The following LUZP2 variants were observed in gnomAD, a reference collection of about 807,000 sequenced individuals.
The protein encoded by LUZP2 is leucine zipper protein 2.
LUZP2 carries 52 observed loss-of-function variants against 51.6 expected under a neutral mutation model. That is an observed-to-expected ratio of 1.01 (90% CI 0.81 to 1.27). The LOEUF (loss-of-function observed/expected upper bound fraction) is 1.27, where lower values mean the gene tolerates loss of function less well. Ranked by LOEUF, LUZP2 falls within the 50% of genes most tolerant of loss-of-function variation. LUZP2 has a pLI of 0.00. For synonymous variants in LUZP2, 154 were observed against 137.3 expected (o/e 1.12, Z -0.85); for missense variants, 436 against 395.4 (o/e 1.10, Z -0.87).
intron 5 of LUZP2, among the ~76,000 whole-genome samples, chr11:24,812,268 T>C (rs371169253): frequency 6.6e-5 from 10 of 152,188 alleles, no homozygotes; most frequent in Non-Finnish European, 2.9e-5. Flanking sequence ...ATGTTCAATA[T>C]CACCTTGAGA....
At chr11:24,563,403 T>C (rs1417777349) in intron 1 of LUZP2, among the ~76,000 whole-genome samples, 1 of 152,184 alleles carries the variant, frequency 6.6e-6, no homozygotes, top group Non-Finnish European at 1.5e-5. Context: ...TTTGCAAGGG[T>C]TTTTAAATTG....
chr11:24,846,905 A>G (rs1851218062), intron 5 of LUZP2, among the ~76,000 whole-genome samples: 1 of 151,864 alleles, frequency 6.6e-6, no homozygotes. Flanking sequence ...ATGCATATAT[A>G]CATGTATATA....
chr11:24,930,412 A>T (rs746968427), intron 7 of LUZP2, among the ~76,000 whole-genome samples: 3 of 152,152 alleles, frequency 2.0e-5, no homozygotes, highest in Non-Finnish European at 4.4e-5. Flanking sequence ...CAATTCTCAT[A>T]GCGCTGGCTT....
At chr11:24,916,097 T>G (rs1467015777) in intron 7 of LUZP2, among the ~76,000 whole-genome samples, 1 of 152,064 alleles carries the variant, frequency 6.6e-6, no homozygotes, top group Non-Finnish European at 1.5e-5. Context: ...ATGCTGGCAC[T>G]TGCAAGGCAT....
At chr11:24,642,754 T>G (rs1855333793) in intron 1 of LUZP2, among the ~76,000 whole-genome samples, 1 of 149,494 alleles carries the variant, frequency 6.7e-6, no homozygotes. Flanking sequence ...CAACTCTGCA[T>G]GTAAGAGAAA....
At chr11:24,679,924 T>G (rs1193600710) in intron 1 of LUZP2, among the ~76,000 whole-genome samples, 1 of 152,182 alleles carries the variant, frequency 6.6e-6, no homozygotes, top group African/African-American at 2.4e-5. Flanking sequence ...ATGAATGGAT[T>G]GCTGCTCACT....
At chr11:24,892,813 G>A (rs1259614052) in intron 5 of LUZP2, 1 of 152,124 alleles carries the variant, frequency 6.6e-6, no homozygotes, top group Non-Finnish European at 1.5e-5. Flanking sequence ...AAGAATAATA[G>A]TTTTTAAACT....
intron 5 of LUZP2, among the ~76,000 whole-genome samples, chr11:24,820,379 TG>T (rs1416125263): frequency 6.6e-6 from 1 of 152,058 alleles, no homozygotes; most frequent in African/African-American, 2.4e-5. Context: ...ATGTGTATGG[TG>T]GGGAAAGACA....
At chr11:24,621,958 C>CT (rs1338596625) in intron 1 of LUZP2, among the ~76,000 whole-genome samples, 4 of 141,740 alleles carry the variant, frequency 2.8e-5, no homozygotes, top group Non-Finnish European at 4.6e-5. Context: ...CCACATACAT[C>CT]TTTAAAAAAA....
At chr11:25,070,854 A>G (rs964012152) in intron 10 of LUZP2, among the ~76,000 whole-genome samples, 3 of 151,166 alleles carry the variant, frequency 2.0e-5, no homozygotes, top group African/African-American at 4.9e-5. Context: ...TGACAAAATA[A>G]GAAAAAACTT....
At chr11:25,034,900 T>G (rs957758374) in intron 9 of LUZP2, among the ~76,000 whole-genome samples, 3 of 152,066 alleles carry the variant, frequency 2.0e-5, no homozygotes, top group African/African-American at 7.2e-5. Context: ...TTTGGCTGTG[T>G]GGGCTCACTA....
intron 9 of LUZP2, among the ~76,000 whole-genome samples, chr11:24,984,549 T>TATATATATATATATATATATATAAAA (rs60530495): frequency 7.0e-5 from 5 of 71,222 alleles, no homozygotes; most frequent in African/African-American, 1.9e-4. Context: ...TATATATATA[T>TATATATATATATATATATATATAAAA]AATTGTGAAT....
At chr11:24,552,727 T>C (rs1479728181) in intron 1 of LUZP2, among the ~76,000 whole-genome samples, 4 of 151,740 alleles carry the variant, frequency 2.6e-5, no homozygotes, top group Admixed American at 1.3e-4. Flanking sequence ...ATCTAGGAAA[T>C]AATCAAATAA....
chr11:24,574,163 A>G lies in LUZP2; in HGVS notation c.62+76858A>G, dbSNP rs558048756. ...TCTTTCCTTCCTTCTTCCTTCTTTC[A>G]ATTTTCTTTCTTTCTTTCTTTTCTT... On this transcript the variant is annotated intron_variant, in intron 1 of 11. Coordinates refer to ENST00000336930, the MANE Select transcript of LUZP2 (RefSeq NM_001009909.4). Among the ~76,000 whole-genome samples, 398 of 75,366 alleles carry G rather than the reference A, an allele frequency of 5.3e-3. 1 individual carries two copies. Among genetic ancestry groups the G allele is most frequent in the African/African-American group, 0.018 (378 of 21,004 alleles). 49.4% of individuals were successfully genotyped at this position (75,366 alleles called of 152,430 possible). A position where few individuals can be genotyped will look rare whatever the true frequency, so the allele number is the denominator to read the frequency against.
intron 1 of LUZP2, among the ~76,000 whole-genome samples, chr11:24,679,019 C>A (rs562512925): frequency 6.6e-6 from 1 of 152,312 alleles, no homozygotes; most frequent in East Asian, 1.9e-4. Flanking sequence ...TCATTTCTAA[C>A]TTCTGATTAT....
chr11:24,930,672 G>A (rs539180474), intron 7 of LUZP2, among the ~76,000 whole-genome samples: 4 of 152,084 alleles, frequency 2.6e-5, no homozygotes, highest in East Asian at 3.9e-4. Context: ...CCTTCATCTC[G>A]ACTTTAGATA....
At chr11:25,035,090 C>T (rs1390295106) in intron 9 of LUZP2, among the ~76,000 whole-genome samples, 1 of 151,980 alleles carries the variant, frequency 6.6e-6, no homozygotes, top group Non-Finnish European at 1.5e-5. Context: ...TACTGAAAAT[C>T]AAAAAGCTTG....
intron 5 of LUZP2, among the ~76,000 whole-genome samples, chr11:24,777,098 C>A (rs1291403931): frequency 6.6e-6 from 1 of 151,434 alleles, no homozygotes; most frequent in Non-Finnish European, 1.5e-5. Flanking sequence ...GGGTTCATGC[C>A]ATTCTCCTGC....
intron 1 of LUZP2, among the ~76,000 whole-genome samples, chr11:24,577,195 CAG>C (rs1162785410): frequency 6.6e-6 from 1 of 151,282 alleles, no homozygotes; most frequent in Non-Finnish European, 1.5e-5. Context: ...TGCTCTTTTT[CAG>C]AGTTTTATAC....
Sources: allele counts gnomAD v4.1 joint callset (sites outside exome capture counted in the v4.1 genomes callset), GRCh38; gene constraint gnomAD v4.1.1; transcripts MANE v1.5; gene names NCBI Gene and HGNC (gene_info 2026-07-23, HGNC 2026-07-21).